ADARB2: variants seen among roughly 807,000 people sequenced by gnomAD.
The protein encoded by ADARB2 is inactive double-stranded RNA-specific editase B2.
Under a neutral mutation model 62.2 loss-of-function variants are expected in ADARB2, and 25 were observed. That is an observed-to-expected ratio of 0.40 (90% CI 0.29 to 0.56). The LOEUF is 0.56. ADARB2 is among the 20% of genes least tolerant of loss of function. The pLI is 0.43. For synonymous variants in ADARB2, 572 were observed against 500.8 expected (o/e 1.14, Z -1.90); for missense variants, 1,071 against 1,077.4 (o/e 0.99, Z 0.08).
intron 1 of ADARB2, among the ~76,000 whole-genome samples, chr10:1,505,554 AGT>A (rs1831834770): frequency 6.6e-6 from 1 of 152,166 alleles, no homozygotes; most frequent in African/African-American, 2.4e-5. Context: ...AATTGAAACC[AGT>A]GTGTCTAGCC....
chr10:1,415,773 G>C (rs904760309), intron 1 of ADARB2, among the ~76,000 whole-genome samples: 49 of 152,160 alleles, frequency 3.2e-4, no homozygotes, highest in Non-Finnish European at 6.8e-4. Flanking sequence ...ATTGATCATA[G>C]AGTCAAAATA....
At chr10:1,647,349 ATATG>A (rs997454593) in intron 1 of ADARB2, among the ~76,000 whole-genome samples, 8 of 152,340 alleles carry the variant, frequency 5.3e-5, no homozygotes, top group South Asian at 2.1e-4. Flanking sequence ...GTGCATGTAT[ATATG>A]TGTGTGTGCA....
At chr10:1,247,592 A>G (rs894532795) in intron 4 of ADARB2, among the ~76,000 whole-genome samples, 2 of 152,024 alleles carry the variant, frequency 1.3e-5, no homozygotes, top group Non-Finnish European at 2.9e-5. Context: ...CCTCGGTGCC[A>G]TGAGGGTGAT....
intron 1 of ADARB2, among the ~76,000 whole-genome samples, chr10:1,650,883 C>T (rs912611814): frequency 7.9e-5 from 12 of 152,172 alleles, no homozygotes; most frequent in African/African-American, 1.7e-4. Flanking sequence ...CAAAACCCCG[C>T]GTGTCCGAGA....
chr10:1,426,790 C>G lies in ADARB2; in HGVS notation c.101-47630G>C, dbSNP rs1233181988. Among the ~76,000 whole-genome samples, 1 of 152,224 alleles carries G rather than the reference C, an allele frequency of 6.6e-6. No individual in the cohort carries two copies. Among genetic ancestry groups the G allele is most frequent in the Non-Finnish European group, 1.5e-5 (1 of 68,042 alleles). ...TGGTTGACTCCTGACGGCGCTTACT[C>G]CACCACTGCATCCCTTCTATACCCT... On this transcript the variant is annotated intron_variant, in intron 1 of 9. Coordinates refer to ENST00000381312, the MANE Select transcript of ADARB2 (RefSeq NM_018702.4). This position sits in a 1 kb window ranked among gnomAD's most constrained non-coding sequence, Gnocchi z 4.1.
intron 1 of ADARB2, among the ~76,000 whole-genome samples, chr10:1,619,643 G>C (rs1257967529): frequency 6.6e-6 from 1 of 152,024 alleles, no homozygotes; most frequent in East Asian, 1.9e-4. Flanking sequence ...GTAGAGATGG[G>C]GTTTCACCAT....
chr10:1,711,151 C>T (rs1834944945), intron 1 of ADARB2, among the ~76,000 whole-genome samples: 1 of 152,154 alleles, frequency 6.6e-6, no homozygotes, highest in Non-Finnish European at 1.5e-5. Context: ...GCCAGGCAGC[C>T]CCATCTGGAA....
intron 2 of ADARB2, among the ~76,000 whole-genome samples, chr10:1,375,435 G>A (rs897960662): frequency 6.6e-6 from 1 of 152,208 alleles, no homozygotes; most frequent in African/African-American, 2.4e-5. Context: ...CGCAGGTATA[G>A]GCATGGTGTG....
chr10:1,733,767 T>C (rs1393215304), intron 1 of ADARB2, among the ~76,000 whole-genome samples: 1 of 152,196 alleles, frequency 6.6e-6, no homozygotes, highest in Non-Finnish European at 1.5e-5. Flanking sequence ...TTGTTGTACA[T>C]AATTACCAAG....
At chr10:1,406,950 C>T (rs1832712430) in intron 1 of ADARB2, among the ~76,000 whole-genome samples, 2 of 152,206 alleles carry the variant, frequency 1.3e-5, no homozygotes, top group African/African-American at 4.8e-5. Flanking sequence ...CCCATCCTCC[C>T]CAGAAGCAGC....
intron 4 of ADARB2, among the ~76,000 whole-genome samples, chr10:1,256,235 T>G (rs780480719): frequency 6.6e-6 from 1 of 152,204 alleles, no homozygotes; most frequent in Non-Finnish European, 1.5e-5. Context: ...GAGACTGAGA[T>G]GCAAAACTCT....
chr10:1,467,581 C>T (rs867961250), intron 1 of ADARB2, among the ~76,000 whole-genome samples: 9 of 152,140 alleles, frequency 5.9e-5, no homozygotes, highest in Admixed American at 1.3e-4. Context: ...TGCTGTCGAG[C>T]GAGGACTGAA....
chr10:1,508,752 C>T (rs1762970542), intron 1 of ADARB2, among the ~76,000 whole-genome samples: 1 of 152,202 alleles, frequency 6.6e-6, no homozygotes, highest in African/African-American at 2.4e-5. Context: ...CACTACACTC[C>T]AGCCTGGGTG....
intron 1 of ADARB2, among the ~76,000 whole-genome samples, chr10:1,405,798 C>T (rs1264244406): frequency 6.6e-6 from 1 of 152,030 alleles, no homozygotes; most frequent in Non-Finnish European, 1.5e-5. Context: ...CGCCAAGATG[C>T]ACCCATTTAT....
At chr10:1,675,228 G>A (rs1834450695) in intron 1 of ADARB2, 1 of 982,904 alleles carries the variant, frequency 1.0e-6, no homozygotes, top group Non-Finnish European at 1.2e-6. Flanking sequence ...ATGCATGGAT[G>A]TTCTGGAGGT....
chr10:1,425,832 A>G (rs1169931540), intron 1 of ADARB2, among the ~76,000 whole-genome samples: 1 of 152,228 alleles, frequency 6.6e-6, no homozygotes, highest in Non-Finnish European at 1.5e-5. Flanking sequence ...GGCAGGAAGC[A>G]TGCATGCTGG....
intron 1 of ADARB2, among the ~76,000 whole-genome samples, chr10:1,391,898 C>T (rs1295324019): frequency 1.3e-5 from 2 of 151,310 alleles, no homozygotes; most frequent in South Asian, 2.1e-4. Context: ...CCTCAGCCTC[C>T]TGAATAGCTG....
intron 1 of ADARB2, chr10:1,526,516 T>C (rs1349698266): frequency 1.2e-5 from 2 of 169,570 alleles, no homozygotes; most frequent in African/African-American, 4.8e-5. Context: ...TCTTGCTCTG[T>C]GTGTTGCAGT....
At chr10:1,208,132 T>G (rs1479054197) in intron 7 of ADARB2, among the ~76,000 whole-genome samples, 2 of 152,202 alleles carry the variant, frequency 1.3e-5, no homozygotes, top group Non-Finnish European at 2.9e-5. Flanking sequence ...CATCCCATCT[T>G]CCCAGGGCTA....
Sources: gnomAD v4.1 joint callset for allele counts (sites outside exome capture counted in the v4.1 genomes callset) on GRCh38, gnomAD v4.1.1 for gene constraint, Gnocchi (gnomAD v3.1) non-coding constraint, MANE v1.5 for transcripts, NCBI Gene and HGNC (gene_info 2026-07-23, HGNC 2026-07-21) for gene names.